The following PECR variants were observed in gnomAD, a reference collection of about 807,000 sequenced individuals.
PECR encodes the protein 2,4-dienoyl-CoA reductase-related protein.
Under a neutral mutation model 35.3 loss-of-function variants are expected in PECR, and 30 were observed. The observed-to-expected ratio is 0.85, with a 90% CI of 0.64 to 1.15. PECR has a LOEUF of 1.15. Among genes scored for constraint, PECR ranks in the 50% most tolerant of loss-of-function variants. The probability of loss-of-function intolerance (pLI) is 0.00; values close to 1 mark genes in which losing one functional copy is unlikely to be tolerated. For missense variants in PECR, 392 were observed against 370.8 expected (o/e 1.06, Z -0.47); for synonymous variants, 148 against 138.9 (o/e 1.07, Z -0.46).
chr2:216,051,531 G>C lies in PECR; in HGVS notation c.521C>G (p.Ala174Gly). The C allele has an allele frequency of 1.9e-6, 3 of 1,608,260 alleles. No homozygotes were observed. Among genetic ancestry groups the C allele is most frequent in the Non-Finnish European group, 2.6e-6 (3 of 1,174,634 alleles). Reference protein sequence around the residue: ...GFPLAVHSGAARAGVYNLTKS... With the variant: ...GFPLAVHSGAGRAGVYNLTKS... ...GGTGAGGTTGTAAACACCTGCTCTT[G>C]CAGCTCCAGAATGCCTTTGAAAGAC... The change falls in exon 5 of 8, where the codon GCA becomes GGA. Residue 174 changes from alanine (A) to glycine (G), a missense_variant. By Grantham distance (60) the Ala-to-Gly change is moderately conservative. Transcript: ENST00000265322.
intron 1 of PECR, among the ~76,000 whole-genome samples, chr2:216,079,230 T>C (rs906528809): frequency 6.6e-6 from 1 of 151,652 alleles, no homozygotes; most frequent in African/African-American, 2.4e-5. Flanking sequence ...AACACAGTCG[T>C]AACCAAAGAT....
intron 4 of PECR, among the ~76,000 whole-genome samples, chr2:216,052,189 A>C (rs1227833956): frequency 6.6e-6 from 1 of 152,216 alleles, no homozygotes; most frequent in African/African-American, 2.4e-5. Context: ...CCATCTCAAA[A>C]ATAAATGAAG....
Position 216,066,216 on chromosome 2 carries a change from T to G in PECR, c.258+169A>C, listed in dbSNP as rs140469022. Among the ~76,000 whole-genome samples the G allele has an allele frequency of 5.4e-3, 827 of 152,324 alleles. 10 individuals carry two copies. Among genetic ancestry groups the G allele is most frequent in the African/African-American group, 0.019 (785 of 41,574 alleles). On this transcript the variant is annotated intron_variant, in intron 2 of 7. Coordinates refer to ENST00000265322, the MANE Select transcript of PECR (RefSeq NM_018441.6). ...CCTCCCTTCCTCTCCTTCTCCAGGA[T>G]TCGCCGGCTCAGTAAATCATTAACA... is the stretch of plus-strand genomic sequence containing the variant.
chr2:216,049,464 AC>A, intron 5 of PECR, 91 bp from the exon 6 acceptor site: 1 of 651,246 alleles, frequency 1.5e-6, no homozygotes, highest in Non-Finnish European at 2.7e-6. Flanking sequence ...GGCATTTCAA[AC>A]ATTAAGTAGC....
chr2:216,081,384 C>A (rs900588683), intron 1 of PECR, among the ~76,000 whole-genome samples: 1 of 152,206 alleles, frequency 6.6e-6, no homozygotes, highest in Non-Finnish European at 1.5e-5. Flanking sequence ...CTACCTGGGG[C>A]ACAGTCTCTT....
intron 3 of PECR, among the ~76,000 whole-genome samples, chr2:216,061,138 A>G (rs1695338491): frequency 6.8e-6 from 1 of 147,058 alleles, no homozygotes; most frequent in African/African-American, 2.5e-5. Context: ...CCAAAAAAAA[A>G]AAAAAAAAAA....
At chr2:216,077,225 G>A (rs1271710190) in intron 1 of PECR, among the ~76,000 whole-genome samples, 5 of 149,416 alleles carry the variant, frequency 3.3e-5, no homozygotes, top group South Asian at 2.3e-4. Flanking sequence ...AAAAATATTT[G>A]CCGGGGTGCC....
At chr2:216,034,313 C>A (rs1694759686), downstream of PECR, among the ~76,000 whole-genome samples, 1 of 152,200 alleles carries the variant, frequency 6.6e-6, no homozygotes, top group African/African-American at 2.4e-5. Flanking sequence ...AATTGATTGG[C>A]TGTGGGTCCC....
At chr2:216,031,691 G>GAAGGAA (rs1473248845) in intron 7 of PECR, among the ~76,000 whole-genome samples, 26 of 61,160 alleles carry the variant, frequency 4.3e-4, no homozygotes, top group African/African-American at 1.5e-3. Flanking sequence ...AAGAAAGAAA[G>GAAGGAA]AGAAAGAAAG....
chr2:216,066,722 G>C (rs1328772232), intron 1 of PECR, among the ~76,000 whole-genome samples: 1 of 152,138 alleles, frequency 6.6e-6, no homozygotes, highest in Non-Finnish European at 1.5e-5. Context: ...GTCTCACCCT[G>C]TTGCTCAGGC....
At chr2:216,032,044 G>A (rs1694718574) in intron 7 of PECR, among the ~76,000 whole-genome samples, 1 of 152,176 alleles carries the variant, frequency 6.6e-6, no homozygotes, top group African/African-American at 2.4e-5. Context: ...TAACAAAATA[G>A]CCTTTGATAG....
intron 1 of PECR, among the ~76,000 whole-genome samples, chr2:216,070,061 T>C (rs10189618): frequency 0.14 from 21,804 of 151,834 alleles, 3,532 homozygotes; most frequent in African/African-American, 0.41. Flanking sequence ...CAGAAAAAAA[T>C]GCTTGCTCTA....
Position 216,054,984 on chromosome 2 carries a change from C to T in PECR, c.507-3439G>A, listed in dbSNP as rs192353956. 2.9e-4 allele frequency among the ~76,000 whole-genome samples: 44 copies of T among 151,992 alleles called. No individual in the cohort carries two copies. In the East Asian group the frequency reaches 8.4e-3, roughly 29 times the overall value. On this transcript the variant is annotated intron_variant, in intron 4 of 7. Transcript: ENST00000265322. ...AAAGTTAGCCGGGCATAGTGGCGTG[C>T]ACCTGTAATCCCAGCTACATGGGAG... is the stretch of plus-strand genomic sequence containing the variant.
At chr2:216,080,706 G>C (rs112747077) in intron 1 of PECR, among the ~76,000 whole-genome samples, 1,980 of 152,148 alleles carry the variant, frequency 0.013, 21 homozygotes, top group Non-Finnish European at 0.02. Context: ...AAATCTTACT[G>C]TTTCATATTT....
chr2:216,074,533 GAAGGAAGA>G lies in PECR; in HGVS notation c.124+7077_124+7084del, dbSNP rs1377259987. Among the ~76,000 whole-genome samples, 553 of 120,662 alleles carry G rather than the reference GAAGGAAGA, an allele frequency of 4.6e-3. 1 individual carries two copies. Among genetic ancestry groups the G allele is most frequent in the African/African-American group, 9.3e-3 (248 of 26,648 alleles). 79.2% of individuals were successfully genotyped at this position (120,662 alleles called of 152,430 possible). A position where few individuals can be genotyped will look rare whatever the true frequency, so the allele number is the denominator to read the frequency against. On this transcript the variant is annotated intron_variant, in intron 1 of 7. Transcript: ENST00000265322. ...GGAAGGAAGGAAGGAAGGAAGGAAGGAAGGAAGAAAGGAAGGAAGGAAGGAAGAGAGAG... is the reference window on the plus strand; with the variant it reads ...GGAAGGAAGGAAGGAAGGAAGGAAGGAAGGAAGGAAGGAAGGAAGAGAGAG...
At chr2:216,077,405 G>C (rs1319848739) in intron 1 of PECR, among the ~76,000 whole-genome samples, 1 of 152,120 alleles carries the variant, frequency 6.6e-6, no homozygotes, top group Non-Finnish European at 1.5e-5. Flanking sequence ...TACTAGGGAG[G>C]CTGAGGCAGG....
At position 216,061,544 on chromosome 2, in the gene PECR, T is replaced by A. The variant is rs201798738; in HGVS notation, c.425-2568A>T. On this transcript the variant is annotated intron_variant, in intron 3 of 7. Coordinates refer to ENST00000265322, the MANE Select transcript of PECR (RefSeq NM_018441.6). The stretch of plus-strand genomic sequence containing the variant: ...ATCACCTTAACAACAGACTTACAGG[T>A]GTAATGCAGTAAGAAGTATATATAC... Among the ~76,000 whole-genome samples, 11 of 152,104 alleles carry A rather than the reference T, an allele frequency of 7.2e-5. No homozygotes were observed. The East Asian group carries it at 2.1e-3, about 29-fold the overall frequency.
chr2:216,047,205 C>G (rs888083301), intron 6 of PECR, among the ~76,000 whole-genome samples: 1 of 151,716 alleles, frequency 6.6e-6, no homozygotes, highest in African/African-American at 2.4e-5. Flanking sequence ...TTGTGGTGAG[C>G]CGAGATCGTG....
Position 216,051,391 on chromosome 2 carries a change from C to A in PECR, c.603+58G>T. ...TTACCAAATACCTCTATCAACATCA[C>A]AAATGGAATCAGAAAGCATAATTTG... On this transcript the variant is annotated intron_variant, in intron 5 of 7. Transcript: ENST00000265322. 7 of 1,015,986 alleles carry A rather than the reference C, an allele frequency of 6.9e-6. No homozygotes were observed. The South Asian group carries it at 8.8e-5, about 13-fold the overall frequency. 62.9% of individuals were successfully genotyped at this position (1,015,986 alleles called of 1,614,324 possible).
Sources: allele counts gnomAD v4.1 joint callset (sites outside exome capture counted in the v4.1 genomes callset), GRCh38; gene constraint gnomAD v4.1.1; transcripts MANE v1.5; gene names NCBI Gene and HGNC (gene_info 2026-07-23, HGNC 2026-07-21).